DMAC2L: variants seen among roughly 807,000 people sequenced by gnomAD.
The protein encoded by DMAC2L is distal membrane arm assembly component 2 like, also known as ATP synthase subunit s, mitochondrial.
In DMAC2L, 21 loss-of-function variants were observed where a neutral mutation model predicts 22.5. The ratio of observed to expected loss-of-function variants is 0.93; its 90% CI spans 0.66 to 1.34. The LOEUF is 1.34. Ranked by LOEUF, DMAC2L falls within the 40% of genes most tolerant of loss-of-function variation. DMAC2L has a pLI of 0.00. For missense variants in DMAC2L, 239 were observed against 246.5 expected (o/e 0.97, Z 0.20); for synonymous variants, 86 against 89.5 (o/e 0.96, Z 0.22).
At chr14:50,311,946 C>A, upstream of DMAC2L, 1 of 1,532,102 alleles carries the variant, frequency 6.5e-7, no homozygotes, top group Admixed American at 2.0e-5. Flanking sequence ...GGGCACAGGT[C>A]CACCACCAGG....
rs112533600 is a variant in DMAC2L at position 50,327,879 on chromosome 14, C to G, written c.*2156C>G. ...TGTTTAACAGCTTATACAAATAACA[C>G]AGTATAAATGGTAATTGCCACTGTC... On this transcript the variant is annotated 3_prime_UTR_variant, in exon 6 of 6. Coordinates refer to ENST00000557421, the MANE Select transcript of DMAC2L (RefSeq NM_001382507.1). 1.4e-4 allele frequency: 22 copies of G among 152,158 alleles called. No homozygotes were observed. The highest frequency in any genetic ancestry group is 5.3e-4 in the African/African-American group (22 of 41,502). The allele number at this position is 152,158 out of a possible 1,614,324, so 9.4% of individuals were successfully genotyped here. A position where few individuals can be genotyped will look rare whatever the true frequency, so the allele number is the denominator to read the frequency against.
chr14:50,313,060 G>A (rs1373026352), intron 1 of DMAC2L: 2 of 1,611,374 alleles, frequency 1.2e-6, no homozygotes, highest in African/African-American at 2.7e-5. Flanking sequence ...CACCTGTGCA[G>A]GTCACTTCAC....
rs138196982 is a variant in DMAC2L, at chr14:50,322,541, C to T, written c.138C>T (p.Gly46=). ...KVDYDRIRDV[G]PDRAASEWLL... ...ATTATGATCGCATCAGGGATGTTGGCCCTGACAGGGCGGCATCCGAGTGGT... is the reference window on the plus strand; with the variant it reads ...ATTATGATCGCATCAGGGATGTTGGTCCTGACAGGGCGGCATCCGAGTGGT... The change falls in exon 4 of 6, where the codon GGC becomes GGT. Residue 46 remains glycine, a synonymous_variant. Coordinates refer to ENST00000557421, the MANE Select transcript of DMAC2L (RefSeq NM_001382507.1). 6.2e-7 allele frequency: 1 copy of T among 1,613,212 alleles called. No individual in the cohort carries two copies. The highest frequency in any genetic ancestry group is 8.5e-7 in the Non-Finnish European group (1 of 1,179,214).
intron 2 of DMAC2L, among the ~76,000 whole-genome samples, chr14:50,316,060 G>A (rs745568050): frequency 1.3e-5 from 2 of 152,048 alleles, no homozygotes; most frequent in African/African-American, 2.4e-5. Context: ...CCATATCCAC[G>A]CCAACATCTA....
In DMAC2L at chr14:50,326,422, A is replaced by C. The variant is rs2032705381; in HGVS notation, c.*699A>C. On this transcript the variant is annotated 3_prime_UTR_variant, in exon 6 of 6. Coordinates refer to ENST00000557421, the MANE Select transcript of DMAC2L (RefSeq NM_001382507.1). ...TAGTGAAGCATACTACCATAAATGC[A>C]CAATTATGAAAAATTAGAAGCTAAA... 6 of 976,308 alleles carry C rather than the reference A, an allele frequency of 6.1e-6. No individual in the cohort carries two copies. The highest frequency in any genetic ancestry group is 6.1e-6 in the Non-Finnish European group (5 of 821,776). 60.5% of individuals were successfully genotyped at this position (976,308 alleles called of 1,614,324 possible). A position where few individuals can be genotyped will look rare whatever the true frequency, so the allele number is the denominator to read the frequency against.
chr14:50,316,555 T>C (rs1285018093), intron 2 of DMAC2L, among the ~76,000 whole-genome samples: 1 of 152,254 alleles, frequency 6.6e-6, no homozygotes, highest in Middle Eastern at 3.2e-3. Flanking sequence ...TGATCCATCT[T>C]GAGTTGATTT....
At chr14:50,311,927 T>TA, upstream of DMAC2L, 2 of 1,519,126 alleles carry the variant, frequency 1.3e-6, no homozygotes, top group East Asian at 4.9e-5. Flanking sequence ...GACAGGGAAA[T>TA]ACGAACAGGG....
In DMAC2L at chr14:50,321,509, T is replaced by C. The variant is rs767525327; in HGVS notation, c.22T>C (p.Ser8Pro). The C allele has an allele frequency of 1.9e-5, 31 of 1,613,968 alleles. No homozygotes were observed. The South Asian group carries it at 3.4e-4, about 18-fold the overall frequency. MMPFGKI[S>P]QQLCGVKKLP... Reference sequence around the variant, plus strand: ...TCAAATGATGCCGTTTGGAAAAATTTCCCAGCAGTTGTGTGGCGTAAAGAA... The same window carrying C: ...TCAAATGATGCCGTTTGGAAAAATTCCCCAGCAGTTGTGTGGCGTAAAGAA... Residue 8 changes from serine to proline, a missense_variant, in exon 3 of 6, where the codon TCC becomes CCC. Transcript: ENST00000557421.
At chr14:50,313,065 C>A in intron 1 of DMAC2L, 1 of 1,607,672 alleles carries the variant, frequency 6.2e-7, no homozygotes, top group Non-Finnish European at 8.5e-7. Flanking sequence ...GTGCAGGTCA[C>A]TTCACCTGAT....
intron 2 of DMAC2L, among the ~76,000 whole-genome samples, chr14:50,314,917 C>T (rs2031632236): frequency 6.6e-6 from 1 of 152,092 alleles, no homozygotes; most frequent in Non-Finnish European, 1.5e-5. Context: ...GCTGGGATTA[C>T]AGGTGTGAGC....
chr14:50,320,737 A>G (rs556601976), intron 2 of DMAC2L, among the ~76,000 whole-genome samples: 4 of 152,292 alleles, frequency 2.6e-5, no homozygotes, highest in Non-Finnish European at 5.9e-5. Flanking sequence ...TGTTTCATTT[A>G]TCTTTGTCTC....
intron 5 of DMAC2L, chr14:50,324,328 A>T: frequency 2.7e-6 from 1 of 364,190 alleles, no homozygotes; most frequent in Non-Finnish European, 4.6e-6. Context: ...AGTATATTTT[A>T]AAAAATTAAA....
At chr14:50,318,924 G>C in intron 2 of DMAC2L, 4 of 610,638 alleles carry the variant, frequency 6.6e-6, no homozygotes, top group Non-Finnish European at 8.2e-6. Flanking sequence ...CTTTCTGTGT[G>C]TCTCTTTCTC....
intron 1 of DMAC2L, chr14:50,313,162 C>G (rs2031413265): frequency 1.0e-6 from 1 of 978,438 alleles, no homozygotes. Flanking sequence ...GCCGGTGTTG[C>G]TAACACTCAT....
Position 50,317,199 on chromosome 14 carries a change from A to G in DMAC2L, c.-6+2573A>G, listed in dbSNP as rs191025322. ...TTTTTTGTGTGTGTGGCTATTATAA[A>G]AGGGGTTGAGTTCTTGGTTTGATTC... On this transcript the variant is annotated intron_variant, in intron 2 of 5. Transcript: ENST00000557421. Among the ~76,000 whole-genome samples, 86 of 152,194 alleles carry G rather than the reference A, an allele frequency of 5.7e-4. 1 individual carries two copies. The highest frequency in any genetic ancestry group is 1.9e-3 in the African/African-American group (79 of 41,530).
rs1236818459 is a variant in DMAC2L at position 50,327,561 on chromosome 14, G to C, written c.*1838G>C. On this transcript the variant is annotated 3_prime_UTR_variant, in exon 6 of 6. Transcript: ENST00000557421. ...GTTCACTGCAACCTCTGCCTCCCGG[G>C]TTCAAGCAGTTCTCTGTCGCAGCGT... is the stretch of plus-strand genomic sequence containing the variant. 1 of 146,794 alleles carries C rather than the reference G, an allele frequency of 6.8e-6. No homozygotes were observed. The highest frequency in any genetic ancestry group is 2.1e-4 in the East Asian group (1 of 4,802). The allele number at this position is 146,794 out of a possible 1,614,324, so 9.1% of individuals were successfully genotyped here.
intron 4 of DMAC2L, among the ~76,000 whole-genome samples, chr14:50,323,621 C>T (rs1330020215): frequency 6.6e-6 from 1 of 151,574 alleles, no homozygotes; most frequent in African/African-American, 2.4e-5. Flanking sequence ...CTTGAATTCC[C>T]GACCTCAGGT....
intron 3 of DMAC2L, among the ~76,000 whole-genome samples, chr14:50,321,916 TA>T (rs1449840649): frequency 6.6e-6 from 1 of 152,238 alleles, no homozygotes; most frequent in Non-Finnish European, 1.5e-5. Flanking sequence ...TATGGCTTTT[TA>T]AAGGAATGTA....
At position 50,326,278 on chromosome 14, in the gene DMAC2L, A is replaced by C. The variant is rs1272373778; in HGVS notation, c.*555A>C. The C allele has an allele frequency of 4.3e-6, 2 of 461,988 alleles. No homozygotes were observed. The highest frequency in any genetic ancestry group is 3.1e-4 in the East Asian group (2 of 6,478). 28.6% of individuals were successfully genotyped at this position (461,988 alleles called of 1,614,324 possible). The stretch of plus-strand genomic sequence containing the variant: ...AACTAGGTAACATTTTAATTCTAAT[A>C]TATTCATTTAATATGTAAATCTATA... On this transcript the variant is annotated 3_prime_UTR_variant, in exon 6 of 6. Transcript: ENST00000557421.
Sources: gnomAD v4.1 joint callset for allele counts (sites outside exome capture counted in the v4.1 genomes callset) on GRCh38, gnomAD v4.1.1 for gene constraint, MANE v1.5 for transcripts, NCBI Gene and HGNC (gene_info 2026-07-23, HGNC 2026-07-21) for gene names.